Variants in NRXN3 observed in about 807,000 individuals in gnomAD.
The protein encoded by NRXN3 is neurexin 3.
A neutral mutation model predicts 137.6 loss-of-function variants in NRXN3; 32 were observed. That is an observed-to-expected ratio of 0.23 (90% CI 0.18 to 0.31). The LOEUF (loss-of-function observed/expected upper bound fraction) is 0.31. Ranked by LOEUF, NRXN3 falls within the 10% of genes least tolerant of loss-of-function variation. The pLI, the probability that NRXN3 is intolerant of heterozygous loss-of-function variation, is 1.00. For missense variants in NRXN3, 1,574 were observed against 2,062.5 expected (o/e 0.76, Z 4.59); for synonymous variants, 798 against 784.5 (o/e 1.02, Z -0.29).
At chr14:79,656,743 G>A (rs199520717) in intron 16 of NRXN3, among the ~76,000 whole-genome samples, 2 of 151,558 alleles carry the variant, frequency 1.3e-5, no homozygotes, top group East Asian at 1.9e-4. Context: ...GATTGACCTC[G>A]TGCAACCAGA....
At chr14:79,632,467 G>C (rs1282196735) in intron 16 of NRXN3, 3 of 152,214 alleles carry the variant, frequency 2.0e-5, no homozygotes, top group Non-Finnish European at 4.4e-5. Context: ...GGGAGCAGAA[G>C]GCTCTAACGT....
At chr14:79,067,901 A>G (rs2099682765) in intron 15 of NRXN3, among the ~76,000 whole-genome samples, 2 of 152,038 alleles carry the variant, frequency 1.3e-5, no homozygotes, top group African/African-American at 4.8e-5. Flanking sequence ...TATTTTTTAG[A>G]CTTGATAATT....
At chr14:79,031,556 A>G (rs1459931699) in intron 15 of NRXN3, among the ~76,000 whole-genome samples, 1 of 152,162 alleles carries the variant, frequency 6.6e-6, no homozygotes, top group African/African-American at 2.4e-5. Context: ...AAGGTTCACA[A>G]GGACTGAAAA....
intron 16 of NRXN3, among the ~76,000 whole-genome samples, chr14:79,518,591 T>C (rs548662994): frequency 6.6e-6 from 1 of 152,150 alleles, no homozygotes; most frequent in African/African-American, 2.4e-5. Context: ...AATCTTCTTG[T>C]TAATAGTAAT....
At chr14:78,399,319 A>G (rs563271629) in intron 4 of NRXN3, among the ~76,000 whole-genome samples, 1 of 152,310 alleles carries the variant, frequency 6.6e-6, no homozygotes, top group African/African-American at 2.4e-5. Flanking sequence ...TATAGTATCT[A>G]GAGTTTTTAG....
intron 1 of NRXN3, among the ~76,000 whole-genome samples, chr14:78,233,018 C>T (rs967085179): frequency 6.6e-6 from 1 of 152,162 alleles, no homozygotes; most frequent in African/African-American, 2.4e-5. Context: ...TTTTCACCCA[C>T]TAGAGAACTC....
At chr14:78,744,761 A>G (rs2098599430) in intron 8 of NRXN3, 1 of 152,176 alleles carries the variant, frequency 6.6e-6, no homozygotes, top group African/African-American at 2.4e-5. Context: ...GTTCACTGCT[A>G]TAACTGCACA....
intron 19 of NRXN3, among the ~76,000 whole-genome samples, chr14:79,757,614 A>G (rs934070119): frequency 6.6e-6 from 1 of 152,212 alleles, no homozygotes; most frequent in Non-Finnish European, 1.5e-5. Context: ...GGTGTCATCC[A>G]TCTAGTTTCA....
At chr14:78,991,358 A>G (rs2099518480) in intron 15 of NRXN3, among the ~76,000 whole-genome samples, 1 of 152,230 alleles carries the variant, frequency 6.6e-6, no homozygotes, top group Admixed American at 6.5e-5. Flanking sequence ...TAATTCCTGC[A>G]AAGAGAGTGT....
rs1378674830 is a variant in NRXN3 at position 79,861,972 on chromosome 14, A to C, written c.*8A>C. ...AGGGAGTATTACGTGTAAACATGCG[A>C]ACACTGCTCACACGCGAGTTTTCAC... On this transcript the variant is annotated 3_prime_UTR_variant, in exon 21 of 21. Coordinates refer to ENST00000335750, the MANE Select transcript of NRXN3 (RefSeq NM_001330195.2). The surrounding 1 kb of genome is among the most constrained non-coding windows in gnomAD (Gnocchi z 5.4). The C allele has an allele frequency of 6.2e-7, 1 of 1,601,834 alleles. No homozygotes were observed. The highest frequency in any genetic ancestry group is 8.5e-7 in the Non-Finnish European group (1 of 1,172,124).
intron 8 of NRXN3, among the ~76,000 whole-genome samples, chr14:78,762,385 A>G (rs1225508097): frequency 6.6e-6 from 1 of 152,218 alleles, no homozygotes; most frequent in African/African-American, 2.4e-5. Context: ...GGACGAGCGT[A>G]GACTTGAATA....
intron 14 of NRXN3, among the ~76,000 whole-genome samples, chr14:78,974,916 A>T (rs2099458998): frequency 6.6e-6 from 1 of 152,192 alleles, no homozygotes; most frequent in African/African-American, 2.4e-5. Context: ...TCAGAAGGAA[A>T]TATAACAATG....
At chr14:78,558,904 G>A (rs890771091) in intron 4 of NRXN3, among the ~76,000 whole-genome samples, 4 of 152,142 alleles carry the variant, frequency 2.6e-5, no homozygotes, top group African/African-American at 7.2e-5. Context: ...ATAAATGACA[G>A]GGCTCTAATT....
intron 6 of NRXN3, among the ~76,000 whole-genome samples, chr14:78,695,989 G>A (rs1350262280): frequency 6.6e-6 from 1 of 151,980 alleles, no homozygotes; most frequent in Non-Finnish European, 1.5e-5. Context: ...AGGGGGATAT[G>A]GACCTTGGAG....
At chr14:79,641,265 C>G (rs1008846462) in intron 16 of NRXN3, among the ~76,000 whole-genome samples, 1 of 135,018 alleles carries the variant, frequency 7.4e-6, no homozygotes, top group African/African-American at 2.5e-5. Context: ...ACCTCAGCCT[C>G]CCAAAGTGCT....
chr14:79,142,866 T>C (rs1014471951), intron 15 of NRXN3, among the ~76,000 whole-genome samples: 1 of 152,142 alleles, frequency 6.6e-6, no homozygotes, highest in Non-Finnish European at 1.5e-5. Flanking sequence ...TGGCACTGGA[T>C]GAAATATACA....
intron 10 of NRXN3, among the ~76,000 whole-genome samples, chr14:78,900,627 AT>A (rs1397362042): frequency 2.0e-5 from 3 of 151,980 alleles, no homozygotes; most frequent in African/African-American, 7.2e-5. Context: ...TCTGTAAAAA[AT>A]AAAATAGTAT....
intron 10 of NRXN3, among the ~76,000 whole-genome samples, chr14:78,868,897 C>A (rs1300076341): frequency 6.6e-6 from 1 of 152,038 alleles, no homozygotes; most frequent in Admixed American, 6.6e-5. Context: ...ATTCACTTAG[C>A]ATCATAATGG....
intron 15 of NRXN3, among the ~76,000 whole-genome samples, chr14:79,342,631 C>T (rs2092669446): frequency 6.6e-6 from 1 of 152,038 alleles, no homozygotes. Context: ...CCCAGGGGAA[C>T]CCTTTGGAGT....
Sources: gnomAD v4.1 joint callset for allele counts (sites outside exome capture counted in the v4.1 genomes callset) on GRCh38, gnomAD v4.1.1 for gene constraint, Gnocchi (gnomAD v3.1) non-coding constraint, MANE v1.5 for transcripts, NCBI Gene and HGNC (gene_info 2026-07-23, HGNC 2026-07-21) for gene names.